Variants in LRP1B observed in about 807,000 individuals in gnomAD.
LRP1B encodes low-density lipoprotein receptor-related protein 1B.
LRP1B carries 217 observed loss-of-function variants against 556.6 expected under a neutral mutation model. The ratio of observed to expected loss-of-function variants is 0.39; its 90% confidence interval spans 0.35 to 0.44. LRP1B has a LOEUF of 0.44. LRP1B is among the 20% of genes least tolerant of loss of function. The pLI is 1.00. For missense variants in LRP1B, 5,053 were observed against 5,620.8 expected (o/e 0.90, Z 3.23); for synonymous variants, 2,047 against 1,865.8 (o/e 1.10, Z -2.50).
intron 15 of LRP1B, among the ~76,000 whole-genome samples, chr2:141,003,613 C>T (rs1197466006): frequency 6.6e-6 from 1 of 152,008 alleles, no homozygotes; most frequent in Non-Finnish European, 1.5e-5. Flanking sequence ...TGCCACCATC[C>T]ATGTAAGATG....
intron 2 of LRP1B, among the ~76,000 whole-genome samples, chr2:141,530,520 T>C (rs1684835298): frequency 6.6e-6 from 1 of 151,774 alleles, no homozygotes; most frequent in Non-Finnish European, 1.5e-5. Flanking sequence ...GGGACTATTC[T>C]AGCTGCTAAG....
At chr2:140,884,095 C>CTTAA in intron 24 of LRP1B, 74 bp from the exon 25 acceptor site, 1 of 1,306,436 alleles carries the variant, frequency 7.7e-7, no homozygotes. Context: ...GGCCTTTGTG[C>CTTAA]CTGTGATCAG....
rs992174199 is a variant in LRP1B, at chr2:142,125,743, T to C, written c.82+4905A>G. 3.9e-5 allele frequency among the ~76,000 whole-genome samples: 6 copies of C among 151,962 alleles called. No homozygotes were observed. The South Asian group carries it at 1.2e-3, about 31-fold the overall frequency. The stretch of plus-strand genomic sequence containing the variant: ...GGTTAAATTTGGGAATAGCTATCCA[T>C]GTGAAAATGTATAGCAACTCCACAG... On this transcript the variant is annotated intron_variant, in intron 1 of 90. Transcript: ENST00000389484.
At chr2:141,174,980 G>C (rs984593132) in intron 7 of LRP1B, among the ~76,000 whole-genome samples, 8 of 152,212 alleles carry the variant, frequency 5.3e-5, no homozygotes, top group African/African-American at 1.7e-4. Context: ...CTATTCTTTA[G>C]CAAAGAGACT....
chr2:140,473,224 G>A (rs1174514734), intron 60 of LRP1B, among the ~76,000 whole-genome samples: 1 of 151,926 alleles, frequency 6.6e-6, no homozygotes, highest in African/African-American at 2.4e-5. Context: ...TCAGATATTG[G>A]CAGGTGCCTG....
chr2:140,514,791 GAAA>G lies in LRP1B; in HGVS notation c.8150-22_8150-20del. On this transcript the variant is annotated intron_variant, in intron 50 of 90. Coordinates refer to ENST00000389484, the MANE Select transcript of LRP1B (RefSeq NM_018557.3). ...GAAGAATCTAGGAAACAAACAAAAG[GAAA>G]AAAAAAAATAGTTTGAGACCGTCTT... is the stretch of plus-strand genomic sequence containing the variant. 7.9e-7 allele frequency: 1 copy of G among 1,260,080 alleles called. No homozygotes were observed. The highest frequency in any genetic ancestry group is 2.1e-5 in the Admixed American group (1 of 47,698). 78.1% of individuals were successfully genotyped at this position (1,260,080 alleles called of 1,614,324 possible).
intron 11 of LRP1B, among the ~76,000 whole-genome samples, chr2:141,042,795 T>C (rs1423150650): frequency 1.3e-5 from 2 of 151,674 alleles, no homozygotes; most frequent in African/African-American, 4.8e-5. Context: ...CAAAATAAGG[T>C]GGTATAGTCT....
At chr2:140,352,655 G>C (rs1316044520) in intron 76 of LRP1B, among the ~76,000 whole-genome samples, 1 of 151,996 alleles carries the variant, frequency 6.6e-6, no homozygotes, top group Non-Finnish European at 1.5e-5. Context: ...AGACCATCAA[G>C]AGAGATACTT....
chr2:142,068,984 G>A (rs1201727816), intron 1 of LRP1B, among the ~76,000 whole-genome samples: 1 of 151,156 alleles, frequency 6.6e-6, no homozygotes, highest in Non-Finnish European at 1.5e-5. Context: ...TTGAGAAAAT[G>A]GTTCCATCTC....
At chr2:141,263,035 A>T (rs759505154) in intron 3 of LRP1B, among the ~76,000 whole-genome samples, 1 of 151,840 alleles carries the variant, frequency 6.6e-6, no homozygotes, top group African/African-American at 2.4e-5. Context: ...TGGTAGGTAT[A>T]TATGCATTTA....
intron 77 of LRP1B, among the ~76,000 whole-genome samples, chr2:140,340,882 A>G (rs1168984365): frequency 4.6e-5 from 7 of 151,498 alleles, no homozygotes; most frequent in Non-Finnish European, 7.4e-5. Context: ...TTTATACCTA[A>G]CCTATTTCAA....
At chr2:140,669,410 A>G (rs776664538) in intron 41 of LRP1B, among the ~76,000 whole-genome samples, 5 of 152,116 alleles carry the variant, frequency 3.3e-5, no homozygotes, top group Non-Finnish European at 7.4e-5. Context: ...AAGACCATTT[A>G]GGAAGATTTT....
At position 141,761,278 on chromosome 2, in the gene LRP1B, C is replaced by T. The variant is rs947705846; in HGVS notation, c.205+49001G>A. 7.9e-5 allele frequency among the ~76,000 whole-genome samples: 12 copies of T among 151,984 alleles called. No individual in the cohort carries two copies. In the South Asian group the frequency reaches 2.5e-3, roughly 32 times the overall value. On this transcript the variant is annotated intron_variant, in intron 2 of 90. Coordinates refer to ENST00000389484, the MANE Select transcript of LRP1B (RefSeq NM_018557.3). ...GTGTGTTTGGGAAGAAATTGCAGTACATTGCCCAGAGGTTCCAAAACTCTT... is the reference window on the plus strand; with the variant it reads ...GTGTGTTTGGGAAGAAATTGCAGTATATTGCCCAGAGGTTCCAAAACTCTT...
chr2:141,446,045 G>A (rs1205127812), intron 3 of LRP1B, among the ~76,000 whole-genome samples: 1 of 152,130 alleles, frequency 6.6e-6, no homozygotes, highest in East Asian at 1.9e-4. Flanking sequence ...ATTATTGTGT[G>A]GGAGTGTAAG....
intron 3 of LRP1B, among the ~76,000 whole-genome samples, chr2:141,474,059 C>T (rs370115657): frequency 0.084 from 4,274 of 51,176 alleles, 332 homozygotes; most frequent in African/African-American, 0.2. Flanking sequence ...CTTCCTTCCT[C>T]CCTCCCTCCC....
At chr2:140,824,446 C>T (rs1345836134) in intron 31 of LRP1B, among the ~76,000 whole-genome samples, 1 of 151,796 alleles carries the variant, frequency 6.6e-6, no homozygotes, top group Non-Finnish European at 1.5e-5. Flanking sequence ...TTATTTTTGC[C>T]TGTTCTTTAA....
At chr2:141,229,014 T>G (rs564435201) in intron 6 of LRP1B, among the ~76,000 whole-genome samples, 169 bp downstream of exon 6, 1 of 152,328 alleles carries the variant, frequency 6.6e-6, no homozygotes, top group East Asian at 1.9e-4. Flanking sequence ...TATGTGTATG[T>G]GTTTGTATAT....
At position 140,941,396 on chromosome 2, in the gene LRP1B, C is replaced by T. The variant is rs561220281; in HGVS notation, c.3136+8839G>A. Among the ~76,000 whole-genome samples, 30 of 152,194 alleles carry T rather than the reference C, an allele frequency of 2.0e-4. 1 individual carries two copies. In the South Asian group the frequency reaches 3.3e-3, roughly 17 times the overall value. ...AAGTCAATACGGGCAACACAGGTAC[C>T]ATGGGTGAAGAAGGAGGACATTGGA... On this transcript the variant is annotated intron_variant, in intron 20 of 90. Transcript: ENST00000389484.
intron 41 of LRP1B, among the ~76,000 whole-genome samples, chr2:140,678,130 C>T (rs114083605): frequency 3.1e-4 from 47 of 152,138 alleles, no homozygotes; most frequent in Non-Finnish European, 6.2e-4. Context: ...CCAATGAACC[C>T]AATTAATTCT....
Sources: allele counts gnomAD v4.1 joint callset (sites outside exome capture counted in the v4.1 genomes callset), GRCh38; gene constraint gnomAD v4.1.1; transcripts MANE v1.5; gene names NCBI Gene and HGNC (gene_info 2026-07-23, HGNC 2026-07-21).